PCDHGA5: variants seen among roughly 807,000 people sequenced by gnomAD.
PCDHGA5 encodes protocadherin gamma subfamily A, 5, also known as protocadherin gamma-A5.
PCDHGA5 carries 36 observed loss-of-function variants against 56.7 expected under a neutral mutation model. The ratio of observed to expected loss-of-function variants is 0.64; its 90% CI spans 0.49 to 0.84. The LOEUF (loss-of-function observed/expected upper bound fraction) is 0.84. Ranked by LOEUF, PCDHGA5 falls within the 40% of genes least tolerant of loss-of-function variation. The probability of loss-of-function intolerance (pLI) is 0.00; values close to 1 mark genes in which losing one functional copy is unlikely to be tolerated. For missense variants in PCDHGA5, 1,305 were observed against 1,201.5 expected, an observed-to-expected ratio of 1.09 and a Z score of -1.27; for synonymous variants, 563 against 520.2, an observed-to-expected ratio of 1.08 and a Z score of -1.12.
At position 141,417,888 on chromosome 5, in the gene PCDHGA5, G is replaced by C. The variant is rs1406210540; in HGVS notation, c.2421+51137G>C. ...GGAGGGAGCTGCGCGCAGAGGCGCC[G>C]GGCCGGCCCGCGGCAGGTACTATTT... is the stretch of plus-strand genomic sequence containing the variant. On this transcript the variant is annotated intron_variant, in intron 1 of 3. Transcript: ENST00000518069. 1.3e-6 allele frequency: 2 copies of C among 1,566,652 alleles called. No homozygotes were observed. The highest frequency in any genetic ancestry group is 1.7e-4 in the Middle Eastern group (1 of 6,016).
intron 3 of PCDHGA5, among the ~76,000 whole-genome samples, chr5:141,506,198 C>T (rs985517638): frequency 3.3e-5 from 5 of 152,156 alleles, no homozygotes; most frequent in Admixed American, 6.5e-5. Context: ...CGCCTGTAAT[C>T]CCAGCACTTT....
chr5:141,366,927 T>C (rs1442666923), intron 1 of PCDHGA5, 176 bp downstream of exon 1: 3 of 981,216 alleles, frequency 3.1e-6, no homozygotes, highest in Non-Finnish European at 4.3e-6. Context: ...AAATTCTGTT[T>C]TGGGAAGTCT....
At chr5:141,399,591 G>A (rs2093843307) in intron 1 of PCDHGA5, 1 of 1,613,970 alleles carries the variant, frequency 6.2e-7, no homozygotes. Flanking sequence ...ACTCTATCAT[G>A]GCCAGCGACC....
At position 141,476,881 on chromosome 5, in the gene PCDHGA5, G is replaced by A. The variant is rs1458703890; in HGVS notation, c.2422-17926G>A. On this transcript the variant is annotated intron_variant, in intron 1 of 3. Coordinates refer to ENST00000518069, the MANE Select transcript of PCDHGA5 (RefSeq NM_018918.3). The surrounding 1 kb of genome is among the most constrained non-coding windows in gnomAD (Gnocchi z 7.6). The stretch of plus-strand genomic sequence containing the variant: ...CCTTGTACCGGGCGCGCGTCCTGGA[G>A]GATGCACCCTCCGGCACGCGCGTGG... 1.9e-6 allele frequency: 3 copies of A among 1,613,874 alleles called. No homozygotes were observed. Among genetic ancestry groups the A allele is most frequent in the Middle Eastern group, 1.6e-4 (1 of 6,084 alleles).
chr5:141,434,429 C>T (rs1379210960), intron 1 of PCDHGA5, among the ~76,000 whole-genome samples: 2 of 152,152 alleles, frequency 1.3e-5, no homozygotes, highest in Admixed American at 6.5e-5. Flanking sequence ...TCATGATGGC[C>T]GTAATGCCCA....
intron 1 of PCDHGA5, among the ~76,000 whole-genome samples, chr5:141,407,257 T>C (rs1325198387): frequency 1.3e-5 from 2 of 152,240 alleles, no homozygotes; most frequent in Non-Finnish European, 2.9e-5. Context: ...CTCATATTTT[T>C]AACCATGCAA....
chr5:141,388,412 T>A, intron 1 of PCDHGA5: 1 of 1,613,870 alleles, frequency 6.2e-7, no homozygotes, highest in Non-Finnish European at 8.5e-7. Context: ...GTCCCAGTGA[T>A]CATTTCTCAC....
intron 1 of PCDHGA5, among the ~76,000 whole-genome samples, chr5:141,436,350 C>T (rs1034303123): frequency 5.9e-5 from 9 of 152,126 alleles, no homozygotes; most frequent in Non-Finnish European, 1.3e-4. Flanking sequence ...TCAGTGACTT[C>T]AATCAACTAT....
chr5:141,365,595 T>C lies in PCDHGA5; in HGVS notation c.1265T>C (p.Leu422Ser), dbSNP rs746207657. 1 of 1,613,672 alleles carries C rather than the reference T, an allele frequency of 6.2e-7. No individual in the cohort carries two copies. Among genetic ancestry groups the C allele is most frequent in the Admixed American group, 1.7e-5 (1 of 60,016 alleles). Residue 422 changes from leucine to serine, a missense_variant, in exon 1 of 4, where the codon TTA (leucine) becomes TCA (serine). Transcript: ENST00000518069. ...REETSDYNIT[L>S]TVMDHGTPPL... ...GAGACTTCAGATTATAATATCACTT[T>C]AACCGTCATGGACCATGGAACCCCG...
chr5:141,441,800 G>T, intron 1 of PCDHGA5: 1 of 382,594 alleles, frequency 2.6e-6, no homozygotes, highest in Non-Finnish European at 5.2e-6. Flanking sequence ...ACGCACCGCG[G>T]GTGCTGTACC....
In PCDHGA5 at chr5:141,409,393, T is replaced by C. The variant is rs539937433; in HGVS notation, c.2421+42642T>C. 4.8e-5 allele frequency: 77 copies of C among 1,614,062 alleles called. 1 individual carries two copies. In the East Asian group the frequency reaches 1.7e-3, roughly 35 times the overall value. On this transcript the variant is annotated intron_variant, in intron 1 of 3. Coordinates refer to ENST00000518069, the MANE Select transcript of PCDHGA5 (RefSeq NM_018918.3). ...ACATTCCATTCAAGATTTATTCTTC[T>C]TCCAATAACTACTACAAACTGGTGA...
chr5:141,485,566 C>G lies in PCDHGA5; in HGVS notation c.2422-9241C>G, dbSNP rs768144422. On this transcript the variant is annotated intron_variant, in intron 1 of 3. Transcript: ENST00000518069. This position sits in a 1 kb window ranked among gnomAD's most constrained non-coding sequence, Gnocchi z 5.7. ...TCGTAGATGTGAATGATCACGCCCC[C>G]CGTTTTCCGCGGCAGCAGCTGGACT... 2.5e-6 allele frequency: 4 copies of G among 1,612,808 alleles called. No homozygotes were observed. Among genetic ancestry groups the G allele is most frequent in the South Asian group, 2.2e-5 (2 of 91,028 alleles).
chr5:141,403,429 T>C (rs1282528901), intron 1 of PCDHGA5: 2 of 1,614,006 alleles, frequency 1.2e-6, no homozygotes, highest in Non-Finnish European at 1.7e-6. Flanking sequence ...AAGCTATTGA[T>C]CCGGATGTTG....
rs192741775 is a variant in PCDHGA5, at chr5:141,428,173, C to A, written c.2421+61422C>A. The A allele has an allele frequency of 3.2e-4, 487 of 1,514,722 alleles. 1 individual carries two copies. In the Middle Eastern group the frequency reaches 7.1e-3, roughly 22 times the overall value. The allele number at this position is 1,514,722 out of a possible 1,614,324, so 93.8% of individuals were successfully genotyped here. On this transcript the variant is annotated intron_variant, in intron 1 of 3. Transcript: ENST00000518069. The stretch of plus-strand genomic sequence containing the variant: ...GGAACCTGCTGGTTGCTGTGCGTGA[C>A]GGAGGACAGCCGCCGCTCTCTGCGC...
At position 141,511,237 on chromosome 5, in the gene PCDHGA5, TG is replaced by T; in HGVS notation, c.*65del. 1 of 1,590,378 alleles carries T rather than the reference TG, an allele frequency of 6.3e-7. No individual in the cohort carries two copies. Among genetic ancestry groups the T allele is most frequent in the Non-Finnish European group, 8.6e-7 (1 of 1,168,304 alleles). On this transcript the variant is annotated 3_prime_UTR_variant, in exon 4 of 4. Transcript: ENST00000518069. ...CCAACCAGCCCAGCTTCTCCTTACC[TG>T]CACCCAGGCCTCAGAGTTTCAGGGC...
At chr5:141,441,308 C>T (rs984341964) in intron 1 of PCDHGA5, 2 of 152,164 alleles carry the variant, frequency 1.3e-5, no homozygotes, top group African/African-American at 2.4e-5. Flanking sequence ...TAAGAAAATG[C>T]ACCTTGAGAA....
intron 1 of PCDHGA5, chr5:141,372,129 C>A (rs62620756): frequency 0.034 from 55,182 of 1,613,622 alleles, 1,045 homozygotes; most frequent in Middle Eastern, 0.098. Flanking sequence ...CGATATGGTG[C>A]CGCGCTCTGC....
chr5:141,431,401 C>T lies in PCDHGA5; in HGVS notation c.2422-63406C>T. ...CTGCTCACCACCTGGTCCTTACGGC[C>T]TCCGACGGGGGCGACCCGGTGCGCA... On this transcript the variant is annotated intron_variant, in intron 1 of 3. Transcript: ENST00000518069. The surrounding 1 kb of genome is among the most constrained non-coding windows in gnomAD (Gnocchi z 4.8). 2 of 1,613,800 alleles carry T rather than the reference C, an allele frequency of 1.2e-6. No homozygotes were observed. Among genetic ancestry groups the T allele is most frequent in the Admixed American group, 1.7e-5 (1 of 60,036 alleles).
At chr5:141,428,362 G>T (rs868168419) in intron 1 of PCDHGA5, 2 of 556,756 alleles carry the variant, frequency 3.6e-6, no homozygotes, top group Non-Finnish European at 6.6e-6. Context: ...TTTGGCGGTC[G>T]CCTTGCACCT....
Sources: gnomAD v4.1 joint callset for allele counts (sites outside exome capture counted in the v4.1 genomes callset) on GRCh38, gnomAD v4.1.1 for gene constraint, Gnocchi (gnomAD v3.1) non-coding constraint, MANE v1.5 for transcripts, NCBI Gene and HGNC (gene_info 2026-07-23, HGNC 2026-07-21) for gene names.